NBAS: variants seen among roughly 807,000 people sequenced by gnomAD.
NBAS encodes the protein NAG/BC035112 fusion.
NBAS carries 219 observed loss-of-function variants against 302.5 expected under a neutral mutation model. The ratio of observed to expected loss-of-function variants is 0.72; its 90% CI spans 0.65 to 0.81. NBAS has a LOEUF of 0.81. NBAS is among the 30% of genes least tolerant of loss of function. The probability of loss-of-function intolerance (pLI) is 0.00; values close to 1 mark genes in which losing one functional copy is unlikely to be tolerated. For missense variants in NBAS, 2,932 were observed against 2,841.6 expected (o/e 1.03, Z -0.72); for synonymous variants, 1,118 against 1,021.6 (o/e 1.09, Z -1.80).
chr2:15,528,786 G>C (rs1663060011), intron 9 of NBAS, among the ~76,000 whole-genome samples: 1 of 149,126 alleles, frequency 6.7e-6, no homozygotes, highest in Non-Finnish European at 1.5e-5. Flanking sequence ...AGAATCACTT[G>C]AGCTGGGGAG....
the NBAS span, among the ~76,000 whole-genome samples, chr2:15,076,239 A>T: frequency 1.3e-5 from 2 of 152,352 alleles, no homozygotes; most frequent in East Asian, 3.9e-4. Context: ...AAAAGTTTTG[A>T]AGTTTGGCAT....
intron 35 of NBAS, among the ~76,000 whole-genome samples, chr2:15,351,181 G>A (rs13002837): frequency 0.079 from 11,958 of 152,152 alleles, 573 homozygotes; most frequent in Non-Finnish European, 0.12. Context: ...ACATATAACA[G>A]CATGAATGGA....
At chr2:15,492,362 T>C (rs1414423397) in intron 11 of NBAS, among the ~76,000 whole-genome samples, 4 of 152,234 alleles carry the variant, frequency 2.6e-5, no homozygotes, top group East Asian at 1.9e-4. Flanking sequence ...AATTGGATTG[T>C]AGCCACTCAA....
At chr2:14,785,683 G>C in the NBAS span, among the ~76,000 whole-genome samples, 1 of 152,184 alleles carries the variant, frequency 6.6e-6, no homozygotes, top group South Asian at 2.1e-4. Context: ...CTTGATCATG[G>C]TGGATAAGCT....
the NBAS span, among the ~76,000 whole-genome samples, chr2:15,101,787 A>G: frequency 1.8e-4 from 27 of 152,336 alleles, no homozygotes; most frequent in African/African-American, 6.5e-4. Flanking sequence ...TTCTTTTAGA[A>G]ACTCATTTTC....
chr2:15,323,021 A>C (rs184418773), intron 38 of NBAS, among the ~76,000 whole-genome samples: 228 of 152,310 alleles, frequency 1.5e-3, no homozygotes, highest in Non-Finnish European at 2.2e-3. Context: ...TTATCGCTCA[A>C]TGATATTTGA....
the NBAS span, among the ~76,000 whole-genome samples, chr2:15,074,198 A>G: frequency 6.6e-6 from 1 of 152,244 alleles, no homozygotes; most frequent in African/African-American, 2.4e-5. Flanking sequence ...TTTTAAACCA[A>G]TACAAAAAAG....
intron 48 of NBAS, among the ~76,000 whole-genome samples, chr2:15,212,563 A>C (rs1174348631): frequency 1.3e-5 from 2 of 152,188 alleles, no homozygotes; most frequent in African/African-American, 4.8e-5. Flanking sequence ...GCAGACTTTT[A>C]TCACAGTACC....
the NBAS span, among the ~76,000 whole-genome samples, chr2:15,136,755 C>T: frequency 5.3e-5 from 8 of 152,276 alleles, no homozygotes; most frequent in East Asian, 5.8e-4. Flanking sequence ...CCTGGTGGGA[C>T]GTGATTGAAT....
At chr2:15,351,383 T>A (rs1673347561) in intron 35 of NBAS, among the ~76,000 whole-genome samples, 1 of 152,078 alleles carries the variant, frequency 6.6e-6, no homozygotes, top group African/African-American at 2.4e-5. Context: ...AAGTTAGGAA[T>A]GAAATACGGA....
At chr2:15,545,914 C>T (rs1664084103) in intron 6 of NBAS, among the ~76,000 whole-genome samples, 1 of 152,124 alleles carries the variant, frequency 6.6e-6, no homozygotes, top group Non-Finnish European at 1.5e-5. Flanking sequence ...TGCATAAATG[C>T]CTGATGATGA....
chr2:14,811,129 C>T, the NBAS span, among the ~76,000 whole-genome samples: 1 of 152,078 alleles, frequency 6.6e-6, no homozygotes, highest in African/African-American at 2.4e-5. Flanking sequence ...GGTTTTAGGC[C>T]AGGTGTGGTG....
At chr2:14,825,055 T>C in the NBAS span, among the ~76,000 whole-genome samples, 1 of 152,088 alleles carries the variant, frequency 6.6e-6, no homozygotes, top group African/African-American at 2.4e-5. Flanking sequence ...AGAAAGAAAA[T>C]TGTTAAAATC....
chr2:15,203,870 CTGTG>C (rs139907737), intron 48 of NBAS, among the ~76,000 whole-genome samples: 21 of 128,196 alleles, frequency 1.6e-4, no homozygotes, highest in African/African-American at 3.9e-4. Context: ...GTGTCTGTGT[CTGTG>C]TGTGTGTGTG....
At chr2:15,132,827 C>G in the NBAS span, among the ~76,000 whole-genome samples, 1 of 147,414 alleles carries the variant, frequency 6.8e-6, no homozygotes, top group Middle Eastern at 3.5e-3. Flanking sequence ...TTTTTTTAAA[C>G]AGGAAGATAG....
chr2:14,975,943 T>C, the NBAS span, among the ~76,000 whole-genome samples: 1 of 152,166 alleles, frequency 6.6e-6, no homozygotes, highest in African/African-American at 2.4e-5. Flanking sequence ...CCTCTGACAA[T>C]GATGGAATAA....
intron 28 of NBAS, among the ~76,000 whole-genome samples, chr2:15,393,331 A>G (rs544368218): frequency 1.8e-4 from 28 of 152,212 alleles, no homozygotes; most frequent in African/African-American, 5.5e-4. Flanking sequence ...TCTAGAATAT[A>G]TAAGAAAACT....
intron 44 of NBAS, among the ~76,000 whole-genome samples, chr2:15,274,119 A>G (rs1052032796): frequency 2.6e-5 from 4 of 152,172 alleles, no homozygotes; most frequent in African/African-American, 9.7e-5. Flanking sequence ...TTTAAAAACA[A>G]AAAACATGAT....
chr2:15,164,413 A>T (rs1047453946), downstream of NBAS, among the ~76,000 whole-genome samples: 3 of 152,212 alleles, frequency 2.0e-5, no homozygotes, highest in Non-Finnish European at 2.9e-5. Context: ...TGACATTGAG[A>T]AAAGTACTTA....
Sources: allele counts gnomAD v4.1 joint callset (sites outside exome capture counted in the v4.1 genomes callset), GRCh38; gene constraint gnomAD v4.1.1; transcripts MANE v1.5; gene names NCBI Gene and HGNC (gene_info 2026-07-23, HGNC 2026-07-21).